The following PTPRG variants were observed in gnomAD, a reference collection of about 807,000 sequenced individuals.
PTPRG encodes receptor-type tyrosine-protein phosphatase gamma.
In PTPRG, 102 loss-of-function variants were observed where a neutral mutation model predicts 165.3. The observed-to-expected ratio is 0.62, with a 90% confidence interval of 0.53 to 0.73. PTPRG has a LOEUF of 0.73. PTPRG is among the 30% of genes least tolerant of loss of function. The pLI is 0.00. For synonymous variants in PTPRG, 675 were observed against 669.5 expected, an observed-to-expected ratio of 1.01 and a Z score of -0.13; for missense variants, 1,866 against 1,861.4, an observed-to-expected ratio of 1.00 and a Z score of -0.05.
chr3:62,110,462 A>G (rs1702629821), intron 5 of PTPRG, among the ~76,000 whole-genome samples: 1 of 152,086 alleles, frequency 6.6e-6, no homozygotes, highest in Non-Finnish European at 1.5e-5. Flanking sequence ...TTATGCTTCC[A>G]TAATATGAAG....
At chr3:61,976,648 A>T (rs2040513317) in intron 2 of PTPRG, among the ~76,000 whole-genome samples, 1 of 151,970 alleles carries the variant, frequency 6.6e-6, no homozygotes, top group Non-Finnish European at 1.5e-5. Context: ...CTGATATAAC[A>T]TCACATGGAA....
At chr3:61,883,466 A>C (rs2037944976) in intron 2 of PTPRG, among the ~76,000 whole-genome samples, 1 of 152,126 alleles carries the variant, frequency 6.6e-6, no homozygotes, top group Non-Finnish European at 1.5e-5. Context: ...TCCTTTAAAA[A>C]TACCTGTAAA....
intron 2 of PTPRG, among the ~76,000 whole-genome samples, chr3:61,833,067 T>TTG (rs113069211): frequency 0.097 from 14,246 of 146,794 alleles, 719 homozygotes; most frequent in South Asian, 0.18. Flanking sequence ...TAGTATTCCA[T>TTG]TGTGTGTGTG....
chr3:61,582,050 C>T (rs9851889), intron 1 of PTPRG, among the ~76,000 whole-genome samples: 111,113 of 152,020 alleles, frequency 0.73, 41,989 homozygotes, highest in African/African-American at 0.91. Context: ...TCATTGCAAC[C>T]TCCCCCTACT....
chr3:61,735,510 A>G (rs1005923985), intron 1 of PTPRG, among the ~76,000 whole-genome samples: 1 of 149,100 alleles, frequency 6.7e-6, no homozygotes, highest in Non-Finnish European at 1.5e-5. Flanking sequence ...CCTGGGCAAT[A>G]CTAACCCCAA....
intron 7 of PTPRG, among the ~76,000 whole-genome samples, chr3:62,157,812 G>A (rs1704597210): frequency 6.6e-6 from 1 of 152,204 alleles, no homozygotes; most frequent in African/African-American, 2.4e-5. Flanking sequence ...ATGGAGAAAT[G>A]AAATAAAACA....
intron 2 of PTPRG, among the ~76,000 whole-genome samples, chr3:61,830,505 C>A (rs1448118514): frequency 6.7e-6 from 1 of 150,222 alleles, no homozygotes; most frequent in Non-Finnish European, 1.5e-5. Flanking sequence ...CCACAATGTT[C>A]TCATCTTTGA....
intron 7 of PTPRG, among the ~76,000 whole-genome samples, chr3:62,167,520 G>A (rs1044156185): frequency 4.6e-5 from 7 of 152,206 alleles, no homozygotes; most frequent in African/African-American, 1.7e-4. Context: ...AGGAAAAATG[G>A]TGGCTCAGGT....
At chr3:61,830,054 A>G (rs1004010550) in intron 2 of PTPRG, among the ~76,000 whole-genome samples, 1 of 152,244 alleles carries the variant, frequency 6.6e-6, no homozygotes, top group Non-Finnish European at 1.5e-5. Context: ...CAGTGTGAAG[A>G]CAGCATCTTT....
At chr3:61,796,956 G>A (rs1453347886) in intron 2 of PTPRG, among the ~76,000 whole-genome samples, 1 of 152,098 alleles carries the variant, frequency 6.6e-6, no homozygotes, top group Non-Finnish European at 1.5e-5. Context: ...GTGTTCATCT[G>A]TTTTCTCCCG....
chr3:61,932,056 C>A (rs1458232636), intron 2 of PTPRG, among the ~76,000 whole-genome samples: 1 of 152,086 alleles, frequency 6.6e-6, no homozygotes. Context: ...TTTTTGCTAA[C>A]AATATTTTCC....
intron 15 of PTPRG, among the ~76,000 whole-genome samples, chr3:62,246,078 T>G (rs1268949931): frequency 6.6e-6 from 1 of 152,164 alleles, no homozygotes; most frequent in African/African-American, 2.4e-5. Flanking sequence ...CTTTTAAATA[T>G]GTTTCTCCTA....
At chr3:61,712,053 C>A (rs11708797) in intron 1 of PTPRG, among the ~76,000 whole-genome samples, 21,622 of 151,908 alleles carry the variant, frequency 0.14, 1,669 homozygotes, top group East Asian at 0.17. Flanking sequence ...GCTACCATGC[C>A]CAGTTAATTT....
At chr3:62,096,151 C>T in intron 5 of PTPRG, among the ~76,000 whole-genome samples, 1 of 151,828 alleles carries the variant, frequency 6.6e-6, no homozygotes, top group Non-Finnish European at 1.5e-5. Context: ...GTAGCTGGGA[C>T]CTCGGGAAAA....
chr3:62,145,079 T>C (rs1704070591), intron 6 of PTPRG, among the ~76,000 whole-genome samples: 5 of 152,052 alleles, frequency 3.3e-5, no homozygotes. Context: ...GGGACTACCG[T>C]GTGTGATTTT....
intron 2 of PTPRG, among the ~76,000 whole-genome samples, chr3:61,842,539 C>T (rs1402415155): frequency 6.6e-6 from 1 of 152,048 alleles, no homozygotes; most frequent in Non-Finnish European, 1.5e-5. Context: ...TTAAATCAAC[C>T]CAACTTACAT....
chr3:61,833,817 G>A (rs1373618626), intron 2 of PTPRG, among the ~76,000 whole-genome samples: 5 of 152,160 alleles, frequency 3.3e-5, no homozygotes, highest in South Asian at 4.2e-4. Context: ...TGCCCGCCTC[G>A]GCCTCCCAAA....
At chr3:61,667,175 A>G (rs1030563777) in intron 1 of PTPRG, among the ~76,000 whole-genome samples, 8 of 152,186 alleles carry the variant, frequency 5.3e-5, no homozygotes, top group South Asian at 2.1e-4. Flanking sequence ...ATCCTAAGAA[A>G]AACCACAAGT....
At chr3:61,748,123 C>G (rs1451099174) in intron 1 of PTPRG, among the ~76,000 whole-genome samples, 3 of 152,138 alleles carry the variant, frequency 2.0e-5, no homozygotes, top group African/African-American at 2.4e-5. Flanking sequence ...ATCAGTGTTT[C>G]TTTTGTGGGC....
Sources: gnomAD v4.1 joint callset for allele counts (sites outside exome capture counted in the v4.1 genomes callset) on GRCh38, gnomAD v4.1.1 for gene constraint, MANE v1.5 for transcripts, NCBI Gene and HGNC (gene_info 2026-07-23, HGNC 2026-07-21) for gene names.